Variants in MSRA observed in about 807,000 individuals in gnomAD.
The protein encoded by MSRA is mitochondrial peptide methionine sulfoxide reductase.
In MSRA, 54 loss-of-function variants were observed where a neutral mutation model predicts 31.3. The ratio of observed to expected loss-of-function variants is 1.73; its 90% CI spans 1.39 to 2.17. MSRA has a LOEUF of 2.17. Among genes scored for constraint, MSRA ranks in the 30% most tolerant of loss-of-function variants. The probability of loss-of-function intolerance (pLI) is 0.00; values close to 1 mark genes in which losing one functional copy is unlikely to be tolerated. For synonymous variants in MSRA, 169 were observed against 116.5 expected, an observed-to-expected ratio of 1.45 and a Z score of -2.90; for missense variants, 507 against 300.9, an observed-to-expected ratio of 1.69 and a Z score of -5.07.
At chr8:10,178,852 G>C (rs1806292688) in intron 1 of MSRA, among the ~76,000 whole-genome samples, 1 of 152,124 alleles carries the variant, frequency 6.6e-6, no homozygotes, top group South Asian at 2.1e-4. Context: ...TGTGATTTGA[G>C]AACTACAGGA....
At chr8:10,263,026 A>T (rs538602519) in intron 3 of MSRA, among the ~76,000 whole-genome samples, 97 of 152,240 alleles carry the variant, frequency 6.4e-4, no homozygotes, top group African/African-American at 2.1e-3. Context: ...ACCCTCCCAC[A>T]TGGGTGCTGA....
chr8:10,237,609 C>A (rs1023244740), intron 2 of MSRA, among the ~76,000 whole-genome samples: 2 of 152,162 alleles, frequency 1.3e-5, no homozygotes, highest in Non-Finnish European at 2.9e-5. Flanking sequence ...AGAAGACTTA[C>A]TCTACTAGGT....
intron 1 of MSRA, among the ~76,000 whole-genome samples, chr8:10,157,596 G>T (rs892796910): frequency 6.6e-6 from 1 of 151,810 alleles, no homozygotes; most frequent in Non-Finnish European, 1.5e-5. Context: ...TTTGTAAGGG[G>T]CAATGAAAGT....
At chr8:10,056,786 C>T (rs1802397603) in intron 1 of MSRA, among the ~76,000 whole-genome samples, 1 of 152,120 alleles carries the variant, frequency 6.6e-6, no homozygotes, top group Admixed American at 6.5e-5. Context: ...ACCTCCACTG[C>T]AACTTGGATC....
At chr8:10,218,821 A>G (rs1312122012) in intron 2 of MSRA, among the ~76,000 whole-genome samples, 2 of 152,228 alleles carry the variant, frequency 1.3e-5, no homozygotes, top group Non-Finnish European at 2.9e-5. Flanking sequence ...TAACCAGATT[A>G]TTGAAATTTG....
chr8:10,427,590 G>C (rs1396272059), intron 5 of MSRA, among the ~76,000 whole-genome samples: 2 of 152,186 alleles, frequency 1.3e-5, no homozygotes, highest in Admixed American at 1.3e-4. Flanking sequence ...GCCACAGCGA[G>C]TGAGGGGACA....
At chr8:10,252,366 G>C (rs879733160) in intron 3 of MSRA, among the ~76,000 whole-genome samples, 1 of 152,172 alleles carries the variant, frequency 6.6e-6, no homozygotes, top group African/African-American at 2.4e-5. Flanking sequence ...GATGTGAAGA[G>C]ATCATAGTTT....
intron 5 of MSRA, among the ~76,000 whole-genome samples, chr8:10,327,699 C>T (rs1177888022): frequency 6.6e-6 from 1 of 152,008 alleles, no homozygotes; most frequent in African/African-American, 2.4e-5. Context: ...TTTGGGAAGC[C>T]AAGGCAGGTG....
intron 1 of MSRA, among the ~76,000 whole-genome samples, chr8:10,148,534 C>A (rs1218453095): frequency 6.6e-6 from 1 of 151,794 alleles, no homozygotes; most frequent in African/African-American, 2.4e-5. Context: ...GCAATTCCAG[C>A]CGCTTGGGAG....
intron 5 of MSRA, among the ~76,000 whole-genome samples, chr8:10,381,490 G>T (rs900712325): frequency 3.9e-5 from 6 of 152,154 alleles, no homozygotes; most frequent in African/African-American, 1.4e-4. Flanking sequence ...AGATGCTGGA[G>T]CTGGGTGTAC....
intron 5 of MSRA, among the ~76,000 whole-genome samples, chr8:10,404,957 A>G (rs1337120437): frequency 6.6e-6 from 1 of 152,104 alleles, no homozygotes; most frequent in Non-Finnish European, 1.5e-5. Context: ...GACAGAACCC[A>G]CGATGGCCGA....
At chr8:10,085,876 A>G (rs1391190542) in intron 1 of MSRA, among the ~76,000 whole-genome samples, 1 of 152,206 alleles carries the variant, frequency 6.6e-6, no homozygotes, top group Admixed American at 6.5e-5. Flanking sequence ...TTTTCCACCT[A>G]GCATAGTGTT....
intron 2 of MSRA, among the ~76,000 whole-genome samples, chr8:10,229,407 G>C (rs2129072059): frequency 6.6e-6 from 1 of 152,296 alleles, no homozygotes. Flanking sequence ...AGCGTCCAGA[G>C]AGGCTGCTAT....
Position 10,301,544 on chromosome 8 carries a change from C to T in MSRA, c.342C>T (p.Gly114=), listed in dbSNP as rs1345317499. ...TTTGTTTTTTCCAAGAAAAAACTGG[C>T]CATGCAGAAGTCGTCCGAGTGGTGT... ...TYKEVCSEKT[G]HAEVVRVVYQ... is the part of the protein sequence containing the mutation. Residue 114 remains glycine, a synonymous_variant, in exon 4 of 6, where the codon GGC becomes GGT. Coordinates refer to ENST00000317173, the MANE Select transcript of MSRA (RefSeq NM_012331.5). 2 of 1,612,064 alleles carry T rather than the reference C, an allele frequency of 1.2e-6. No individual in the cohort carries two copies. Among genetic ancestry groups the T allele is most frequent in the African/African-American group, 2.7e-5 (2 of 74,760 alleles).
chr8:10,113,580 GAAT>G (rs1800458276), intron 1 of MSRA, among the ~76,000 whole-genome samples: 1 of 151,574 alleles, frequency 6.6e-6, no homozygotes, highest in African/African-American at 2.4e-5. Context: ...TTGGAGATTT[GAAT>G]AAAGTAGGTA....
At chr8:10,336,449 T>C (rs1448627304) in intron 5 of MSRA, among the ~76,000 whole-genome samples, 3 of 152,118 alleles carry the variant, frequency 2.0e-5, no homozygotes, top group Non-Finnish European at 4.4e-5. Flanking sequence ...TTTTTTTTTT[T>C]TCATTTTCAT....
chr8:10,111,147 C>G (rs1019419058), intron 1 of MSRA, among the ~76,000 whole-genome samples: 1 of 152,128 alleles, frequency 6.6e-6, no homozygotes, highest in African/African-American at 2.4e-5. Context: ...CGGGGTGGAT[C>G]AACTTTGATC....
In MSRA at chr8:10,196,305, C is replaced by T. The variant is rs559136254; in HGVS notation, c.143-11528C>T. On this transcript the variant is annotated intron_variant, in intron 1 of 5. Transcript: ENST00000317173. Reference sequence around the variant, plus strand: ...GAAACATTTAATGATGTTTTGGAGGCACACGTTGGGCTCCAGAGTGACAGT... The same window carrying T: ...GAAACATTTAATGATGTTTTGGAGGTACACGTTGGGCTCCAGAGTGACAGT... 5.1e-4 allele frequency among the ~76,000 whole-genome samples: 78 copies of T among 152,230 alleles called. No individual in the cohort carries two copies. In the South Asian group the frequency reaches 0.014, roughly 28 times the overall value.
intron 1 of MSRA, among the ~76,000 whole-genome samples, chr8:10,086,624 A>T (rs894456150): frequency 2.0e-5 from 3 of 152,202 alleles, no homozygotes; most frequent in African/African-American, 7.2e-5. Context: ...TGAGTTAAAG[A>T]GTGCAAAGTG....
Sources: allele counts gnomAD v4.1 joint callset (sites outside exome capture counted in the v4.1 genomes callset), GRCh38; gene constraint gnomAD v4.1.1; transcripts MANE v1.5; gene names NCBI Gene and HGNC (gene_info 2026-07-23, HGNC 2026-07-21).